FBXO42: variants seen among roughly 807,000 people sequenced by gnomAD.
The protein encoded by FBXO42 is F-box protein 42.
FBXO42 carries 12 observed loss-of-function variants against 71.7 expected under a neutral mutation model. The observed-to-expected ratio is 0.17, with a 90% CI of 0.11 to 0.27. The LOEUF is 0.27. FBXO42 is among the 10% of genes least tolerant of loss of function. The pLI, the probability that FBXO42 is intolerant of heterozygous loss-of-function variation, is 1.00. For synonymous variants in FBXO42, 325 were observed against 327.5 expected, an observed-to-expected ratio of 0.99 and a Z score of 0.08; for missense variants, 707 against 911.9, an observed-to-expected ratio of 0.78 and a Z score of 2.89.
chr1:16,350,584 A>C (rs1181847382), intron 1 of FBXO42, among the ~76,000 whole-genome samples: 2 of 147,870 alleles, frequency 1.4e-5, no homozygotes, highest in African/African-American at 5.0e-5. Flanking sequence ...AAAAAAAAAA[A>C]AAAAAAAAAA....
At chr1:16,324,318 A>C (rs2082433283) in intron 1 of FBXO42, among the ~76,000 whole-genome samples, 1 of 152,218 alleles carries the variant, frequency 6.6e-6, no homozygotes, top group African/African-American at 2.4e-5. Flanking sequence ...CACAGGGTAC[A>C]AAAAGAAGAT....
chr1:16,346,509 A>G (rs2082655662), intron 1 of FBXO42, among the ~76,000 whole-genome samples: 1 of 151,872 alleles, frequency 6.6e-6, no homozygotes, highest in South Asian at 2.1e-4. Flanking sequence ...TAACACAGTG[A>G]AACCCCGTCT....
intron 4 of FBXO42, among the ~76,000 whole-genome samples, chr1:16,286,392 T>C (rs987466998): frequency 5.9e-5 from 9 of 152,160 alleles, no homozygotes; most frequent in African/African-American, 2.2e-4. Context: ...AGGCACCTTC[T>C]TCCCAGGGCA....
chr1:16,350,775 A>C (rs1317213187), intron 1 of FBXO42, among the ~76,000 whole-genome samples: 1 of 150,276 alleles, frequency 6.7e-6, no homozygotes, highest in Non-Finnish European at 1.5e-5. Flanking sequence ...GAAAGAAAGA[A>C]AGAAAGAAAG....
chr1:16,258,504 G>C (rs1262724628), intron 4 of FBXO42, among the ~76,000 whole-genome samples: 1 of 151,602 alleles, frequency 6.6e-6, no homozygotes, highest in Non-Finnish European at 1.5e-5. Context: ...ATACAGGCAA[G>C]CACCACCATG....
Position 16,251,598 on chromosome 1 carries a change from C to T in FBXO42, c.1226G>A (p.Gly409Glu). The T allele has an allele frequency of 6.2e-7, 1 of 1,614,154 alleles. No homozygotes were observed. The highest frequency in any genetic ancestry group is 1.1e-5 in the South Asian group (1 of 91,078). The change falls in exon 10 of 10, where the codon GGA becomes GAA. Residue 409 changes from glycine to glutamate, a missense_variant. By Grantham distance (98) the Gly-to-Glu change is moderately conservative. This residue lies in a region of FBXO42 where 482 missense variants were observed against 587.1 expected (regional missense o/e 0.82). Transcript: ENST00000375592. This position sits in a 1 kb window ranked among gnomAD's most constrained non-coding sequence, Gnocchi z 4.5. Reference sequence around the variant, plus strand: ...CCTTTGAGCCCTGGGTCTCAGTGTTCCCCAGCGGCCGTTAACACAAGGAGC... The same window carrying T: ...CCTTTGAGCCCTGGGTCTCAGTGTTTCCCAGCGGCCGTTAACACAAGGAGC... ...DEAPCVNGRW[G>E]TLRPRAQRQT... is the part of the protein sequence containing the mutation.
intron 4 of FBXO42, among the ~76,000 whole-genome samples, chr1:16,277,166 G>C (rs1337289167): frequency 6.6e-6 from 1 of 152,166 alleles, no homozygotes; most frequent in Admixed American, 6.5e-5. Flanking sequence ...ATAGAAGCTA[G>C]GAGTATATTT....
intron 4 of FBXO42, among the ~76,000 whole-genome samples, chr1:16,259,425 G>T (rs2081684497): frequency 6.6e-6 from 1 of 152,124 alleles, no homozygotes; most frequent in Admixed American, 6.5e-5. Context: ...TGTGGATTTG[G>T]ATTTGAGATA....
At chr1:16,332,832 C>T (rs1359113451) in intron 1 of FBXO42, among the ~76,000 whole-genome samples, 5 of 152,042 alleles carry the variant, frequency 3.3e-5, no homozygotes, top group African/African-American at 1.2e-4. Flanking sequence ...TGAGCCACTG[C>T]GCCTGGCCTC....
In FBXO42 at chr1:16,315,301, C is replaced by T. The variant is rs374015900; in HGVS notation, c.118G>A (p.Glu40Lys). Residue 40 changes from glutamate to lysine, a missense_variant, in exon 2 of 10, where the codon GAG (glutamate) becomes AAG (lysine). By Grantham distance (56) the Glu-to-Lys change is moderately conservative. Transcript: ENST00000375592. ...EEPHPVLEAEETRHNRSMSEL... is the reference protein window; with the variant it reads ...EEPHPVLEAEKTRHNRSMSEL... ...GACATGGACCTATTATGTCTAGTCT[C>T]CTCAGCCTCCAATACTGGGTGGGGC... 5.6e-6 allele frequency: 9 copies of T among 1,614,158 alleles called. No individual in the cohort carries two copies. The highest frequency in any genetic ancestry group is 7.6e-6 in the Non-Finnish European group (9 of 1,180,036).
intron 4 of FBXO42, among the ~76,000 whole-genome samples, chr1:16,270,691 A>AG (rs1235249505): frequency 0.013 from 453 of 34,306 alleles, 56 homozygotes; most frequent in Middle Eastern, 0.027. Context: ...AAAAAAAAAA[A>AG]AAAAAGAAAA....
intron 2 of FBXO42, among the ~76,000 whole-genome samples, chr1:16,314,928 C>T (rs777383786): frequency 6.6e-6 from 1 of 151,622 alleles, no homozygotes; most frequent in Non-Finnish European, 1.5e-5. Flanking sequence ...CAGATCAACT[C>T]TAAGAATATG....
chr1:16,310,670 T>A (rs1343808293), intron 2 of FBXO42, among the ~76,000 whole-genome samples: 1 of 152,172 alleles, frequency 6.6e-6, no homozygotes, highest in Non-Finnish European at 1.5e-5. Flanking sequence ...AAAAGACAGT[T>A]ATATAGAATA....
chr1:16,260,277 C>T lies in FBXO42; in HGVS notation c.503-3518G>A, dbSNP rs544169791. Among the ~76,000 whole-genome samples, 7 of 148,644 alleles carry T rather than the reference C, an allele frequency of 4.7e-5. No homozygotes were observed. In the South Asian group the frequency reaches 6.4e-4, roughly 14 times the overall value. Reference sequence around the variant, plus strand: ...AGGCTGGAGTGTAATGGCACGATCTCGGCTCACTGCAACCTCTGCCTCCCA... The same window carrying T: ...AGGCTGGAGTGTAATGGCACGATCTTGGCTCACTGCAACCTCTGCCTCCCA... On this transcript the variant is annotated intron_variant, in intron 4 of 9. Coordinates refer to ENST00000375592, the MANE Select transcript of FBXO42 (RefSeq NM_018994.3).
intron 1 of FBXO42, among the ~76,000 whole-genome samples, chr1:16,331,564 G>A (rs947785962): frequency 1.3e-5 from 2 of 151,388 alleles, no homozygotes; most frequent in African/African-American, 4.9e-5. Flanking sequence ...AGACCAGCCT[G>A]GCCAACATGG....
chr1:16,287,863 C>T (rs1367146143), intron 4 of FBXO42, among the ~76,000 whole-genome samples: 2 of 152,084 alleles, frequency 1.3e-5, no homozygotes, highest in South Asian at 2.1e-4. Flanking sequence ...GCGGGTGGAT[C>T]GCCTGAGGTC....
chr1:16,283,934 A>G (rs910265022), intron 4 of FBXO42, among the ~76,000 whole-genome samples: 2 of 152,174 alleles, frequency 1.3e-5, no homozygotes, highest in East Asian at 3.9e-4. Context: ...TCTTGATTTA[A>G]AGTAACCGAA....
At chr1:16,296,317 G>A (rs1245234503) in intron 3 of FBXO42, among the ~76,000 whole-genome samples, 4 of 152,064 alleles carry the variant, frequency 2.6e-5, no homozygotes, top group Non-Finnish European at 5.9e-5. Flanking sequence ...TGAAACTAAC[G>A]GTTCAGTGTC....
At position 16,343,462 on chromosome 1, in the gene FBXO42, C is replaced by T. The variant is rs1224715934; in HGVS notation, c.-18+8793G>A. 3.9e-5 allele frequency among the ~76,000 whole-genome samples: 6 copies of T among 152,220 alleles called. No individual in the cohort carries two copies. In the East Asian group the frequency reaches 1.2e-3, roughly 29 times the overall value. On this transcript the variant is annotated intron_variant, in intron 1 of 9. Transcript: ENST00000375592. ...TCAGGAGGCTGAGATGGGACAGTAA[C>T]TTGAGCCTGGGAGGGAGAGGTTGTA... is the stretch of plus-strand genomic sequence containing the variant.
Sources: allele counts gnomAD v4.1 joint callset (sites outside exome capture counted in the v4.1 genomes callset), GRCh38; gene constraint gnomAD v4.1.1; regional missense constraint gnomAD v4.1.1; non-coding constraint Gnocchi (gnomAD v3.1); transcripts MANE v1.5; gene names NCBI Gene and HGNC (gene_info 2026-07-23, HGNC 2026-07-21).